The following AKAP11 variants were observed in gnomAD, a reference collection of about 807,000 sequenced individuals.
AKAP11 encodes the protein A-kinase anchoring protein 11, also known as A-kinase anchor protein 11.
Under a neutral mutation model 146.1 loss-of-function variants are expected in AKAP11, and 36 were observed. The observed-to-expected ratio is 0.25, with a 90% CI of 0.19 to 0.33. AKAP11 has a LOEUF of 0.33. Ranked by LOEUF, AKAP11 falls within the 10% of genes least tolerant of loss-of-function variation. The pLI, the probability that AKAP11 is intolerant of heterozygous loss-of-function variation, is 1.00. For synonymous variants in AKAP11, 780 were observed against 786.5 expected (o/e 0.99, Z 0.14); for missense variants, 2,201 against 2,197.0 (o/e 1.00, Z -0.04).
rs181902169 is a variant in AKAP11, at chr13:42,302,704, C to A, written c.3958C>A (p.Leu1320Ile). 5 of 1,614,046 alleles carry A rather than the reference C, an allele frequency of 3.1e-6. No individual in the cohort carries two copies. The highest frequency in any genetic ancestry group is 2.7e-5 in the African/African-American group (2 of 75,024). ...CCCAAGAGAAGTGGATCCGTTTATT[C>A]TTTCATTACCACCAAGTTCTTGTAT... ...VHPREVDPFILSLPPSSCMSG... is the reference protein window; with the variant it reads ...VHPREVDPFIISLPPSSCMSG... Residue 1320 changes from leucine to isoleucine, a missense_variant, in exon 8 of 13, where the codon CTT becomes ATT. This residue lies in a region of AKAP11 where 1,867 missense variants were observed against 1,833.5 expected (regional missense o/e 1.02). Coordinates refer to ENST00000025301, the MANE Select transcript of AKAP11 (RefSeq NM_016248.4).
At chr13:42,283,822 T>C (rs1170346798) in intron 1 of AKAP11, among the ~76,000 whole-genome samples, 3 of 152,256 alleles carry the variant, frequency 2.0e-5, no homozygotes, top group Non-Finnish European at 4.4e-5. Flanking sequence ...GAGAAAGTGA[T>C]GTAAGGCGTG....
At chr13:42,318,748 T>C (rs1248079048) in intron 12 of AKAP11, among the ~76,000 whole-genome samples, 1 of 152,130 alleles carries the variant, frequency 6.6e-6, no homozygotes, top group Non-Finnish European at 1.5e-5. Context: ...TAATTGAGGG[T>C]GTGGCAGTTG....
Position 42,299,846 on chromosome 13 carries a change from A to C in AKAP11, c.1100A>C (p.Gln367Pro). Residue 367 changes from glutamine (Q) to proline (P), a missense_variant, in exon 8 of 13, where the codon CAA (glutamine) becomes CCA (proline). Physicochemically the swap from Gln to Pro is moderately conservative, Grantham distance 76 (BLOSUM62 -1). Around this residue, in one of 3 missense-constraint regions of AKAP11, gnomAD observed 1,867 missense variants for 1,833.5 expected, o/e 1.02. Transcript: ENST00000025301. ...DSFDQFDELE[Q>P]TLETCLFNKD... is the part of the protein sequence containing the mutation. ...TTTGATCAGTTTGATGAACTAGAAC[A>C]AACTTTAGAGACTTGCCTGTTTAAC... 6.2e-7 allele frequency: 1 copy of C among 1,613,864 alleles called. No homozygotes were observed. Among genetic ancestry groups the C allele is most frequent in the Non-Finnish European group, 8.5e-7 (1 of 1,179,886 alleles).
intron 3 of AKAP11, among the ~76,000 whole-genome samples, chr13:42,288,119 A>C (rs185645388): frequency 6.6e-6 from 1 of 152,196 alleles, no homozygotes; most frequent in Non-Finnish European, 1.5e-5. Context: ...GTGCATCTTA[A>C]TGTCAGACAC....
intron 3 of AKAP11, among the ~76,000 whole-genome samples, chr13:42,290,119 C>T (rs1289499433): frequency 6.6e-6 from 1 of 152,188 alleles, no homozygotes; most frequent in Non-Finnish European, 1.5e-5. Context: ...AAGGTTCACA[C>T]ACTGTATTTG....
At position 42,301,828 on chromosome 13, in the gene AKAP11, G is replaced by C. The variant is rs1351392449; in HGVS notation, c.3082G>C (p.Ala1028Pro). The C allele has an allele frequency of 6.2e-7, 1 of 1,614,146 alleles. No individual in the cohort carries two copies. The highest frequency in any genetic ancestry group is 1.1e-5 in the South Asian group (1 of 91,078). Residue 1028 changes from alanine (A) to proline (P), a missense_variant, in exon 8 of 13, where the codon GCT becomes CCT. By Grantham distance (27) the Ala-to-Pro change is conservative (BLOSUM62 -1). Around this residue, in one of 3 missense-constraint regions of AKAP11, gnomAD observed 1,867 missense variants for 1,833.5 expected, o/e 1.02. Transcript: ENST00000025301. ...SSLETLPSCP[A>P]VTGQKSDLKE... is the part of the protein sequence containing the mutation. The stretch of plus-strand genomic sequence containing the variant: ...CCTAGAGACACTGCCATCTTGTCCA[G>C]CTGTGACAGGTCAGAAATCTGACTT...
Position 42,300,399 on chromosome 13 carries a change from A to G in AKAP11, c.1653A>G (p.Gln551=). ...NKSLMIKDSI[Q]KFAADLVEKS... ...CCTTAATGATTAAAGATAGCATTCA[A>G]AAATTTGCAGCAGATCTTGTGGAAA... The change falls in exon 8 of 13, where the codon CAA becomes CAG. Residue 551 remains glutamine (Q), a synonymous_variant. Transcript: ENST00000025301. The G allele has an allele frequency of 6.2e-7, 1 of 1,611,366 alleles. No individual in the cohort carries two copies. The highest frequency in any genetic ancestry group is 2.2e-5 in the East Asian group (1 of 44,888).
Position 42,319,387 on chromosome 13 carries a change from G to A in AKAP11, c.*159G>A, listed in dbSNP as rs1960981670. ...TGAGCGCTTTGTGTTATCACTCGGT[G>A]TATATAGTTCATACTTTTGTAATCT... is the stretch of plus-strand genomic sequence containing the variant. On this transcript the variant is annotated 3_prime_UTR_variant, in exon 13 of 13. Transcript: ENST00000025301. 2.3e-6 allele frequency: 2 copies of A among 886,230 alleles called. No individual in the cohort carries two copies. The highest frequency in any genetic ancestry group is 1.7e-5 in the African/African-American group (1 of 58,822). The allele number at this position is 886,230 out of a possible 1,614,324, so 54.9% of individuals were successfully genotyped here.
intron 4 of AKAP11, among the ~76,000 whole-genome samples, chr13:42,294,708 A>G (rs1290813374): frequency 6.6e-6 from 1 of 152,106 alleles, no homozygotes; most frequent in Non-Finnish European, 1.5e-5. Flanking sequence ...GCCAGTATAT[A>G]TTCTTTGTAG....
At position 42,299,897 on chromosome 13, in the gene AKAP11, C is replaced by G. The variant is rs778932610; in HGVS notation, c.1151C>G (p.Ser384Trp). ...FNKDPVIGKS[S>W]QRKGHKHGKS... is the part of the protein sequence containing the mutation. ...AAAGATCCCGTCATAGGGAAGTCAT[C>G]GCAGAGGAAAGGGCACAAACATGGA... is the stretch of plus-strand genomic sequence containing the variant. Residue 384 changes from serine to tryptophan, a missense_variant, in exon 8 of 13, where the codon TCG becomes TGG. Physicochemically the swap from Ser to Trp is radical, Grantham distance 177. Around this residue, in one of 3 missense-constraint regions of AKAP11, gnomAD observed 1,867 missense variants for 1,833.5 expected, o/e 1.02. Coordinates refer to ENST00000025301, the MANE Select transcript of AKAP11 (RefSeq NM_016248.4). 6.2e-7 allele frequency: 1 copy of G among 1,613,770 alleles called. No homozygotes were observed. Among genetic ancestry groups the G allele is most frequent in the Non-Finnish European group, 8.5e-7 (1 of 1,179,874 alleles).
chr13:42,275,779 T>C (rs1337965698), intron 1 of AKAP11, among the ~76,000 whole-genome samples: 1 of 152,218 alleles, frequency 6.6e-6, no homozygotes, highest in African/African-American at 2.4e-5. Context: ...GTGAGAATTA[T>C]GAATTCATGT....
chr13:42,303,897 A>C, intron 8 of AKAP11, 34 bp downstream of exon 8: 1 of 1,527,922 alleles, frequency 6.5e-7, no homozygotes, highest in Non-Finnish European at 8.8e-7. Context: ...TGTTAATGAT[A>C]AATTAAAAAG....
At chr13:42,295,004 C>G (rs879260834) in intron 4 of AKAP11, among the ~76,000 whole-genome samples, 4 of 152,068 alleles carry the variant, frequency 2.6e-5, no homozygotes, top group African/African-American at 7.2e-5. Context: ...TTTAGAAAGT[C>G]TGTTTATATA....
At chr13:42,312,846 GA>G (rs1425228833) in intron 9 of AKAP11, among the ~76,000 whole-genome samples, 200 bp from the exon 10 acceptor site, 4 of 152,158 alleles carry the variant, frequency 2.6e-5, no homozygotes, top group Non-Finnish European at 5.9e-5. Flanking sequence ...TGAGAAGAAA[GA>G]AAAAACTCCC....
Position 42,303,501 on chromosome 13 carries a change from A to G in AKAP11, c.4755A>G (p.Gln1585=), listed in dbSNP as rs190398508. The G allele has an allele frequency of 4.0e-5, 65 of 1,614,226 alleles. No homozygotes were observed. The East Asian group carries it at 1.3e-3, about 33-fold the overall frequency. ...YAEKLSPLTG[Q]ACRYCDLKEL... ...AAAAGTTGTCACCTCTTACAGGTCAAGCTTGCAGATACTGTGACCTTAAAG... is the reference window on the plus strand; with the variant it reads ...AAAAGTTGTCACCTCTTACAGGTCAGGCTTGCAGATACTGTGACCTTAAAG... The change falls in exon 8 of 13, where the codon CAA becomes CAG. Residue 1585 remains glutamine (Q), a synonymous_variant. Transcript: ENST00000025301.
intron 6 of AKAP11, 125 bp downstream of exon 6, chr13:42,297,307 A>G: frequency 1.5e-6 from 1 of 671,430 alleles, no homozygotes; most frequent in African/African-American, 1.9e-5. Context: ...TCAAGGAAAT[A>G]TGATTCATAA....
chr13:42,271,618 G>A (rs1267117337), upstream of AKAP11, among the ~76,000 whole-genome samples: 2 of 152,230 alleles, frequency 1.3e-5, no homozygotes. Flanking sequence ...CTGGCCCCAG[G>A]CTGTTAAGAC....
At chr13:42,297,278 G>GT (rs1959571844) in intron 6 of AKAP11, 96 bp downstream of exon 6, 89 of 982,070 alleles carry the variant, frequency 9.1e-5, no homozygotes, top group Admixed American at 1.6e-4. Context: ...GATGACATTT[G>GT]TTTTTTTTAA....
At chr13:42,291,954 G>A (rs1484343411) in intron 3 of AKAP11, among the ~76,000 whole-genome samples, 1 of 152,134 alleles carries the variant, frequency 6.6e-6, no homozygotes, top group Non-Finnish European at 1.5e-5. Context: ...CTTTGTTAAT[G>A]GAGTAATCAC....
Sources: allele counts gnomAD v4.1 joint callset (sites outside exome capture counted in the v4.1 genomes callset), GRCh38; gene constraint gnomAD v4.1.1; regional missense constraint gnomAD v4.1.1; transcripts MANE v1.5; gene names NCBI Gene and HGNC (gene_info 2026-07-23, HGNC 2026-07-21).